The following EYA1 variants were observed in gnomAD, a reference collection of about 807,000 sequenced individuals.
EYA1 encodes protein phosphatase EYA1.
Under a neutral mutation model 82.0 loss-of-function variants are expected in EYA1, and 16 were observed. The ratio of observed to expected loss-of-function variants is 0.20; its 90% CI spans 0.13 to 0.30. The LOEUF is 0.30. Among genes scored for constraint, EYA1 ranks in the 10% least tolerant of loss-of-function variants. The pLI is 1.00. For synonymous variants in EYA1, 261 were observed against 264.4 expected (o/e 0.99, Z 0.12); for missense variants, 633 against 730.7 (o/e 0.87, Z 1.54).
At chr8:71,361,131 T>A (rs2129078235) in intron 1 of EYA1, among the ~76,000 whole-genome samples, 1 of 152,324 alleles carries the variant, frequency 6.6e-6, no homozygotes, top group East Asian at 1.9e-4. Context: ...AAAGCAAAAA[T>A]ATTTTCTTCC....
chr8:71,265,737 T>C (rs935736149), intron 11 of EYA1, among the ~76,000 whole-genome samples: 21 of 152,238 alleles, frequency 1.4e-4, no homozygotes, highest in Non-Finnish European at 2.6e-4. Context: ...TTCAATGACA[T>C]TCTGGAATTT....
In EYA1 at chr8:71,245,372, G is replaced by A. The variant is rs375994252; in HGVS notation, c.1051-680C>T. 6.6e-5 allele frequency among the ~76,000 whole-genome samples: 10 copies of A among 151,724 alleles called. No individual in the cohort carries two copies. In the South Asian group the frequency reaches 8.3e-4, roughly 13 times the overall value. ...CTCCCGAGTAGCTGGGACTACAGGC[G>A]CGCACCAACACGACCAGCTAATTTT... On this transcript the variant is annotated intron_variant, in intron 11 of 17. Transcript: ENST00000340726.
At chr8:71,411,903 C>T (rs535699868) in intron 2 of EYA1, among the ~76,000 whole-genome samples, 152 of 150,886 alleles carry the variant, frequency 1.0e-3, no homozygotes, top group African/African-American at 3.7e-3. Context: ...GACTATAAAT[C>T]ATGCTTCTAT....
At chr8:71,221,446 T>C (rs1213261096) in intron 12 of EYA1, among the ~76,000 whole-genome samples, 1 of 151,826 alleles carries the variant, frequency 6.6e-6, no homozygotes, top group Non-Finnish European at 1.5e-5. Flanking sequence ...GATATGGGAG[T>C]TGGAAAGGGA....
intron 1 of EYA1, among the ~76,000 whole-genome samples, chr8:71,546,606 A>T (rs1483106675): frequency 6.6e-6 from 1 of 151,778 alleles, no homozygotes; most frequent in African/African-American, 2.4e-5. Flanking sequence ...GGTTCAGACA[A>T]TTCCCCTGCC....
chr8:71,250,336 C>T (rs769248730), intron 11 of EYA1, among the ~76,000 whole-genome samples: 3 of 152,152 alleles, frequency 2.0e-5, no homozygotes, highest in African/African-American at 7.2e-5. Context: ...GTTCATGAAC[C>T]GTGGTCTCAG....
Position 71,361,757 on chromosome 8 carries a change from C to G in EYA1, c.-165G>C. The G allele has an allele frequency of 1.0e-6, 1 of 985,526 alleles. No individual in the cohort carries two copies. Among genetic ancestry groups the G allele is most frequent in the Non-Finnish European group, 1.2e-6 (1 of 829,976 alleles). The allele number at this position is 985,526 out of a possible 1,614,324, so 61.0% of individuals were successfully genotyped here. ...GCTCCTGGATGGGTACGCGCGGGGG[C>G]TCTCAGGCGCTCTGGTGCAGCCGCG... On this transcript the variant is annotated 5_prime_UTR_variant, in exon 1 of 18. Coordinates refer to ENST00000340726, the MANE Select transcript of EYA1 (RefSeq NM_000503.6).
At chr8:71,542,833 A>G (rs1030410113) in intron 1 of EYA1, among the ~76,000 whole-genome samples, 1 of 152,130 alleles carries the variant, frequency 6.6e-6, no homozygotes, top group Non-Finnish European at 1.5e-5. Context: ...GCTTTTCTTC[A>G]TATGATTTTT....
intron 11 of EYA1, among the ~76,000 whole-genome samples, chr8:71,261,962 G>A (rs1048234755): frequency 4.6e-5 from 7 of 152,090 alleles, no homozygotes; most frequent in African/African-American, 7.2e-5. Context: ...TCTTCCAAAT[G>A]TACACTTCCA....
chr8:71,365,876 A>G (rs181682707), upstream of EYA1, among the ~76,000 whole-genome samples: 16 of 152,316 alleles, frequency 1.1e-4, no homozygotes, highest in Admixed American at 9.1e-4. Context: ...TATCTGCCAA[A>G]CTGAATGTCT....
At chr8:71,306,145 A>AGG (rs1246556654) in intron 7 of EYA1, among the ~76,000 whole-genome samples, 1 of 152,208 alleles carries the variant, frequency 6.6e-6, no homozygotes, top group Non-Finnish European at 1.5e-5. Flanking sequence ...GCAAAATGAC[A>AGG]TGAAGACACC....
At chr8:71,487,370 T>C (rs577834610) in intron 2 of EYA1, among the ~76,000 whole-genome samples, 2 of 152,328 alleles carry the variant, frequency 1.3e-5, no homozygotes, top group East Asian at 3.9e-4. Flanking sequence ...TCCTAGTATC[T>C]GAGCCCAAAC....
At chr8:71,283,310 G>C (rs77599507) in intron 9 of EYA1, among the ~76,000 whole-genome samples, 1 of 152,084 alleles carries the variant, frequency 6.6e-6, no homozygotes, top group Non-Finnish European at 1.5e-5. Context: ...AGTGTCACCC[G>C]ATGGACAACT....
At chr8:71,384,045 CAGAG>C (rs1456497733) in intron 2 of EYA1, among the ~76,000 whole-genome samples, 1 of 151,568 alleles carries the variant, frequency 6.6e-6, no homozygotes, top group African/African-American at 2.4e-5. Context: ...CATTGCATCT[CAGAG>C]AGAGCAACTA....
intron 11 of EYA1, among the ~76,000 whole-genome samples, chr8:71,254,852 C>A (rs1814210830): frequency 6.7e-6 from 1 of 149,880 alleles, no homozygotes; most frequent in East Asian, 2.0e-4. Context: ...CCGCCCCCCA[C>A]CACACACACA....
chr8:71,428,034 G>A (rs1400747957), intron 2 of EYA1, among the ~76,000 whole-genome samples: 1 of 151,798 alleles, frequency 6.6e-6, no homozygotes, highest in East Asian at 1.9e-4. Context: ...ATATGGGTGA[G>A]TCTGGAACGA....
intron 2 of EYA1, among the ~76,000 whole-genome samples, chr8:71,497,795 G>A (rs1423063120): frequency 2.6e-5 from 4 of 152,068 alleles, no homozygotes; most frequent in African/African-American, 7.2e-5. Flanking sequence ...CACAATAGCC[G>A]AGTTATAAAA....
chr8:71,216,723 C>A lies in EYA1; in HGVS notation c.1329G>T (p.Glu443Asp), dbSNP rs1809252468. The A allele has an allele frequency of 6.2e-7, 1 of 1,614,028 alleles. No individual in the cohort carries two copies. ...CATTATTTTTGTAGGTGTTGTAGATCTCTTTTACCCGTCTGTAGCGGAAGG... is the reference window on the plus strand; with the variant it reads ...CATTATTTTTGTAGGTGTTGTAGATATCTTTTACCCGTCTGTAGCGGAAGG... ...KLAFRYRRVKEIYNTYKNNVG... is the reference protein window; with the variant it reads ...KLAFRYRRVKDIYNTYKNNVG... The change falls in exon 14 of 18, where the codon GAG (glutamate) becomes GAT (aspartate). Residue 443 changes from glutamate to aspartate, a missense_variant. By Grantham distance (45) the Glu-to-Asp change is conservative (BLOSUM62 2). Transcript: ENST00000340726.
intron 10 of EYA1, among the ~76,000 whole-genome samples, chr8:71,271,397 G>T (rs1816513278): frequency 6.6e-6 from 1 of 151,756 alleles, no homozygotes. Flanking sequence ...TATTTTTTTT[G>T]TGCCTTTTAA....
Sources: gnomAD v4.1 joint callset for allele counts (sites outside exome capture counted in the v4.1 genomes callset) on GRCh38, gnomAD v4.1.1 for gene constraint, MANE v1.5 for transcripts, NCBI Gene and HGNC (gene_info 2026-07-23, HGNC 2026-07-21) for gene names.